The following STEAP2 variants were observed in gnomAD, a reference collection of about 807,000 sequenced individuals.
The protein encoded by STEAP2 is metalloreductase STEAP2.
Under a neutral mutation model 46.4 loss-of-function variants are expected in STEAP2, and 30 were observed. The ratio of observed to expected loss-of-function variants is 0.65; its 90% CI spans 0.48 to 0.88. STEAP2 has a LOEUF of 0.88. Ranked by LOEUF, STEAP2 falls within the 40% of genes least tolerant of loss-of-function variation. The probability of loss-of-function intolerance (pLI) is 0.00; values close to 1 mark genes in which losing one functional copy is unlikely to be tolerated. For synonymous variants in STEAP2, 180 were observed against 200.5 expected, an observed-to-expected ratio of 0.90 and a Z score of 0.86; for missense variants, 513 against 579.3, an observed-to-expected ratio of 0.89 and a Z score of 1.18.
In STEAP2 at chr7:90,216,561, G is replaced by A. The variant is rs1425600359; in HGVS notation, c.-76G>A. Reference sequence around the variant, plus strand: ...ACTGCTCCTCCTTGCGTGGAAAAGGGGAAAGAACTGCATGCATATTATTCA... The same window carrying A: ...ACTGCTCCTCCTTGCGTGGAAAAGGAGAAAGAACTGCATGCATATTATTCA... On this transcript the variant is annotated 5_prime_UTR_variant, in exon 2 of 6. Transcript: ENST00000394621. The A allele has an allele frequency of 2.0e-5, 3 of 152,134 alleles. No homozygotes were observed. The highest frequency in any genetic ancestry group is 6.6e-5 in the Admixed American group (1 of 15,264). 9.4% of individuals were successfully genotyped at this position (152,134 alleles called of 1,614,324 possible).
downstream of STEAP2, among the ~76,000 whole-genome samples, chr7:90,241,621 G>A (rs942707189): frequency 3.2e-4 from 48 of 152,148 alleles, no homozygotes; most frequent in Admixed American, 2.8e-3. Context: ...GACTCTGCAG[G>A]TAGGGCTTGA....
rs1404469037 is a variant in STEAP2, at chr7:90,232,632, T to C, written c.*8T>C. ...AGGGTCACAGTAATGTGATGACAAA[T>C]GGTGTTCACAGCTGCCATATAAAGT... On this transcript the variant is annotated 3_prime_UTR_variant, in exon 6 of 6. Coordinates refer to ENST00000394621, the MANE Select transcript of STEAP2 (RefSeq NM_001244944.2). 3 of 1,595,222 alleles carry C rather than the reference T, an allele frequency of 1.9e-6. No homozygotes were observed. The highest frequency in any genetic ancestry group is 1.3e-5 in the African/African-American group (1 of 74,194).
At position 90,235,882 on chromosome 7, in the gene STEAP2, A is replaced by G. The variant is rs1345789151; in HGVS notation, c.*3258A>G. On this transcript the variant is annotated 3_prime_UTR_variant, in exon 6 of 6. Coordinates refer to ENST00000394621, the MANE Select transcript of STEAP2 (RefSeq NM_001244944.2). ...ATATATTTATAGGTATTTATCAGAG[A>G]TGATTATTTTGTGCTACATACAGGT... is the stretch of plus-strand genomic sequence containing the variant. 1.2e-6 allele frequency: 1 copy of G among 803,174 alleles called. No individual in the cohort carries two copies. The highest frequency in any genetic ancestry group is 1.5e-6 in the Non-Finnish European group (1 of 663,942). 49.8% of individuals were successfully genotyped at this position (803,174 alleles called of 1,614,324 possible).
Position 90,235,273 on chromosome 7 carries a change from A to G in STEAP2, c.*2649A>G, listed in dbSNP as rs1795923033. 1.0e-6 allele frequency: 1 copy of G among 976,722 alleles called. No homozygotes were observed. Among genetic ancestry groups the G allele is most frequent in the African/African-American group, 1.7e-5 (1 of 57,158 alleles). The allele number at this position is 976,722 out of a possible 1,614,324, so 60.5% of individuals were successfully genotyped here. On this transcript the variant is annotated 3_prime_UTR_variant, in exon 6 of 6. Coordinates refer to ENST00000394621, the MANE Select transcript of STEAP2 (RefSeq NM_001244944.2). ...CAAATGGCACTATCTTCTTTTCAGT[A>G]CTACAAAAACAGAATAATTTTGAAG...
intron 3 of STEAP2, among the ~76,000 whole-genome samples, chr7:90,226,554 A>G (rs1005668881): frequency 6.6e-6 from 1 of 152,214 alleles, no homozygotes; most frequent in Admixed American, 6.5e-5. Context: ...GTTATCCAAG[A>G]TTAATAATCC....
chr7:90,235,015 G>A lies in STEAP2; in HGVS notation c.*2391G>A, dbSNP rs972332426. On this transcript the variant is annotated 3_prime_UTR_variant, in exon 6 of 6. Transcript: ENST00000394621. ...ATAGTGAACTAATGAAAATAACAGC[G>A]TATTTTCAATATTTTCTTATTCCTT... 3.9e-5 allele frequency: 37 copies of A among 957,784 alleles called. No individual in the cohort carries two copies. Among genetic ancestry groups the A allele is most frequent in the East Asian group, 1.1e-4 (1 of 8,768 alleles). The allele number at this position is 957,784 out of a possible 1,614,324, so 59.3% of individuals were successfully genotyped here.
chr7:90,218,055 ATTTG>A (rs932844306), intron 2 of STEAP2, among the ~76,000 whole-genome samples: 7 of 152,002 alleles, frequency 4.6e-5, no homozygotes, highest in African/African-American at 1.4e-4. Flanking sequence ...CCTATTAACC[ATTTG>A]TTTGTCTTCT....
chr7:90,225,374 T>G lies in STEAP2; in HGVS notation c.292T>G (p.Tyr98Asp). The G allele has an allele frequency of 6.2e-7, 1 of 1,613,888 alleles. No homozygotes were observed. Among genetic ancestry groups the G allele is most frequent in the Non-Finnish European group, 8.5e-7 (1 of 1,179,930 alleles). The change falls in exon 3 of 6, where the codon TAT (tyrosine) becomes GAT (aspartate). Residue 98 changes from tyrosine (Y) to aspartate (D), a missense_variant. Coordinates refer to ENST00000394621, the MANE Select transcript of STEAP2 (RefSeq NM_001244944.2). ...ATTTGTTGCTATACACAGAGAACAT[T>G]ATACCTCCCTGTGGGACCTGAGACA... Reference protein sequence around the residue: ...IIFVAIHREHYTSLWDLRHLL... With the variant: ...IIFVAIHREHDTSLWDLRHLL...
At position 90,216,558 on chromosome 7, in the gene STEAP2, AG is replaced by A. The variant is rs1795024720; in HGVS notation, c.-75del. On this transcript the variant is annotated 5_prime_UTR_variant, in exon 2 of 6. Coordinates refer to ENST00000394621, the MANE Select transcript of STEAP2 (RefSeq NM_001244944.2). ...GATACTGCTCCTCCTTGCGTGGAAA[AG>A]GGGAAAGAACTGCATGCATATTATT... 6.6e-6 allele frequency: 1 copy of A among 152,278 alleles called. No individual in the cohort carries two copies. Among genetic ancestry groups the A allele is most frequent in the South Asian group, 2.1e-4 (1 of 4,826 alleles). The allele number at this position is 152,278 out of a possible 1,614,324, so 9.4% of individuals were successfully genotyped here.
chr7:90,241,724 A>G (rs1011097142), downstream of STEAP2, among the ~76,000 whole-genome samples: 1 of 152,204 alleles, frequency 6.6e-6, no homozygotes, highest in Admixed American at 6.5e-5. Context: ...TCTGGGGTGC[A>G]TATCAAAGTG....
downstream of STEAP2, among the ~76,000 whole-genome samples, chr7:90,238,978 C>T (rs1277194588): frequency 6.6e-6 from 1 of 152,138 alleles, no homozygotes; most frequent in East Asian, 1.9e-4. Context: ...TATCAGTGTC[C>T]TGTAGGCGAG....
intron 2 of STEAP2, among the ~76,000 whole-genome samples, chr7:90,217,925 C>A (rs1795096150): frequency 6.6e-6 from 1 of 152,134 alleles, no homozygotes; most frequent in African/African-American, 2.4e-5. Context: ...GAATCGTTGT[C>A]AGCATCTGTC....
At position 90,234,625 on chromosome 7, in the gene STEAP2, A is replaced by G; in HGVS notation, c.*2001A>G. 1 of 769,600 alleles carries G rather than the reference A, an allele frequency of 1.3e-6. No homozygotes were observed. The highest frequency in any genetic ancestry group is 1.6e-6 in the Non-Finnish European group (1 of 639,958). 47.7% of individuals were successfully genotyped at this position (769,600 alleles called of 1,614,324 possible). ...GAGTGCAGTGGCACGATCTCGGCTC[A>G]CTGCAAGCTCTGCCTCCCGGGTTCA... On this transcript the variant is annotated 3_prime_UTR_variant, in exon 6 of 6. Coordinates refer to ENST00000394621, the MANE Select transcript of STEAP2 (RefSeq NM_001244944.2).
At chr7:90,240,389 T>C (rs187580775), downstream of STEAP2, among the ~76,000 whole-genome samples, 1 of 152,328 alleles carries the variant, frequency 6.6e-6, no homozygotes, top group East Asian at 1.9e-4. This position sits in a 1 kb window ranked among gnomAD's most constrained non-coding sequence, Gnocchi z 4.1. Context: ...ATTTCATATG[T>C]GCTATAAACA....
chr7:90,239,198 G>C (rs922240942), downstream of STEAP2, among the ~76,000 whole-genome samples: 6 of 152,090 alleles, frequency 3.9e-5, no homozygotes, highest in South Asian at 1.2e-3. Context: ...ATACAGTTGG[G>C]CCCTAATCCA....
intron 5 of STEAP2, among the ~76,000 whole-genome samples, chr7:90,231,389 T>G (rs983176503): frequency 6.6e-6 from 1 of 151,942 alleles, no homozygotes. Flanking sequence ...TATTTAATTT[T>G]ATCATATGTC....
chr7:90,228,411 A>AAC (rs1554343397), intron 4 of STEAP2, among the ~76,000 whole-genome samples: 1 of 151,724 alleles, frequency 6.6e-6, no homozygotes, highest in Non-Finnish European at 1.5e-5. Context: ...CCCTGAAAAA[A>AAC]AACTTCTCTT....
chr7:90,236,440 T>C lies in STEAP2; in HGVS notation c.*3816T>C, dbSNP rs1795963154. 1.0e-6 allele frequency: 1 copy of C among 993,348 alleles called. No individual in the cohort carries two copies. 61.5% of individuals were successfully genotyped at this position (993,348 alleles called of 1,614,324 possible). A position where few individuals can be genotyped will look rare whatever the true frequency, so the allele number is the denominator to read the frequency against. On this transcript the variant is annotated 3_prime_UTR_variant, in exon 6 of 6. Coordinates refer to ENST00000394621, the MANE Select transcript of STEAP2 (RefSeq NM_001244944.2). Reference sequence around the variant, plus strand: ...TATAACACACCTCACAGTGTTAAGATTTATATTGTGAAATGAGACACCCTA... The same window carrying C: ...TATAACACACCTCACAGTGTTAAGACTTATATTGTGAAATGAGACACCCTA...
chr7:90,212,079 A>C (rs1367157930), intron 1 of STEAP2, 34 bp downstream of exon 1: 1 of 152,580 alleles, frequency 6.6e-6, no homozygotes, highest in Non-Finnish European at 1.5e-5. Flanking sequence ...GAAAGAAGGT[A>C]GCGGCGGCGG....
Sources: gnomAD v4.1 joint callset for allele counts (sites outside exome capture counted in the v4.1 genomes callset) on GRCh38, gnomAD v4.1.1 for gene constraint, Gnocchi (gnomAD v3.1) non-coding constraint, MANE v1.5 for transcripts, NCBI Gene and HGNC (gene_info 2026-07-23, HGNC 2026-07-21) for gene names.